RABEP1: variants seen among roughly 807,000 people sequenced by gnomAD.
RABEP1 encodes rab GTPase-binding effector protein 1.
Under a neutral mutation model 123.4 loss-of-function variants are expected in RABEP1, and 51 were observed. The ratio of observed to expected loss-of-function variants is 0.41; its 90% CI spans 0.33 to 0.52. The LOEUF (loss-of-function observed/expected upper bound fraction) is 0.52, where lower values mean the gene tolerates loss of function less well. Ranked by LOEUF, RABEP1 falls within the 20% of genes least tolerant of loss-of-function variation. The pLI is 0.16. For missense variants in RABEP1, 888 were observed against 996.3 expected, an observed-to-expected ratio of 0.89 and a Z score of 1.46; for synonymous variants, 347 against 355.2, an observed-to-expected ratio of 0.98 and a Z score of 0.26.
chr17:5,320,161 TTCAG>T (rs1343154297), intron 2 of RABEP1, among the ~76,000 whole-genome samples: 2 of 151,710 alleles, frequency 1.3e-5, no homozygotes, highest in Non-Finnish European at 2.9e-5. Context: ...CTAATGGAGC[TTCAG>T]TCAGTTTGTC....
intron 1 of RABEP1, among the ~76,000 whole-genome samples, chr17:5,307,617 T>A (rs1164564806): frequency 6.6e-6 from 1 of 152,176 alleles, no homozygotes; most frequent in East Asian, 1.9e-4. Context: ...GCTTTAAGGC[T>A]GGGATGCTGT....
chr17:5,377,419 G>A (rs1911082727), intron 14 of RABEP1, 114 bp downstream of exon 14: 5 of 655,430 alleles, frequency 7.6e-6, no homozygotes, highest in Non-Finnish European at 9.3e-6. Context: ...AAAGAATTTA[G>A]TAAGGACTCA....
chr17:5,344,753 C>A (rs1907921645), intron 5 of RABEP1, among the ~76,000 whole-genome samples: 1 of 107,850 alleles, frequency 9.3e-6, no homozygotes, highest in Non-Finnish European at 1.7e-5. Flanking sequence ...GCCTGGGTGA[C>A]AGAGCAAGAC....
At chr17:5,303,364 C>A (rs1374110987) in intron 1 of RABEP1, among the ~76,000 whole-genome samples, 2 of 152,094 alleles carry the variant, frequency 1.3e-5, no homozygotes, top group Admixed American at 1.3e-4. Flanking sequence ...GCCTCAGTCC[C>A]CCAAGTAGCT....
chr17:5,306,318 G>C (rs1333375140), intron 1 of RABEP1, among the ~76,000 whole-genome samples: 1 of 152,072 alleles, frequency 6.6e-6, no homozygotes, highest in Non-Finnish European at 1.5e-5. Flanking sequence ...TAATTAGTTT[G>C]TTCACGATGC....
chr17:5,357,481 C>T (rs762183775), intron 8 of RABEP1, among the ~76,000 whole-genome samples: 2 of 152,068 alleles, frequency 1.3e-5, no homozygotes, highest in African/African-American at 2.4e-5. Flanking sequence ...AAGCGATTCT[C>T]GTGCCTCAGC....
At chr17:5,314,138 A>G (rs1043399347) in intron 2 of RABEP1, among the ~76,000 whole-genome samples, 2 of 151,408 alleles carry the variant, frequency 1.3e-5, no homozygotes, top group Non-Finnish European at 2.9e-5. Flanking sequence ...CTGTGTTTGC[A>G]CTTGTTTGGA....
At chr17:5,334,909 T>A (rs1201262736) in intron 3 of RABEP1, among the ~76,000 whole-genome samples, 1 of 152,208 alleles carries the variant, frequency 6.6e-6, no homozygotes, top group East Asian at 1.9e-4. Context: ...ATTCTGGGCA[T>A]GAAACATTGG....
At chr17:5,350,424 A>G in intron 6 of RABEP1, 27 bp from the exon 7 acceptor site, 1 of 1,574,222 alleles carries the variant, frequency 6.4e-7, no homozygotes, top group Non-Finnish European at 8.6e-7. Context: ...AGTGTTTTTG[A>G]TTTGTGGTGG....
At position 5,384,593 on chromosome 17, in the gene RABEP1, T is replaced by G. The variant is rs1911786023; in HGVS notation, c.*1370T>G. ...TTGTCTTTGTTATAAATGAGGTCAC[T>G]ATGGACTTACCCTAAAGATCTTCTG... is the stretch of plus-strand genomic sequence containing the variant. On this transcript the variant is annotated 3_prime_UTR_variant, in exon 18 of 18. Transcript: ENST00000537505. 4.6e-6 allele frequency: 1 copy of G among 215,704 alleles called. No homozygotes were observed. The highest frequency in any genetic ancestry group is 5.8e-5 in the Admixed American group (1 of 17,156). 13.4% of individuals were successfully genotyped at this position (215,704 alleles called of 1,614,324 possible).
At chr17:5,362,071 C>G (rs937881458) in intron 9 of RABEP1, 2 of 167,412 alleles carry the variant, frequency 1.2e-5, no homozygotes, top group African/African-American at 4.8e-5. Flanking sequence ...GCGCAATTGC[C>G]GGTCTGCTGT....
In RABEP1 at chr17:5,381,385, T is replaced by C. The variant is rs112097489; in HGVS notation, c.2371-4T>C. On this transcript the variant is annotated splice_region_variant and splice_polypyrimidine_tract_variant and intron_variant, in intron 16 of 17. Coordinates refer to ENST00000537505, the MANE Select transcript of RABEP1 (RefSeq NM_004703.6). ...AATCTTCATTCAAAACTTGTATTTT[T>C]TAGGCTACCGTTGAACAACTAATGT... is the stretch of plus-strand genomic sequence containing the variant. The C allele has an allele frequency of 0.011, 18,302 of 1,605,954 alleles. 106 individuals carry two copies. The highest frequency in any genetic ancestry group is 0.014 in the Non-Finnish European group (16,183 of 1,177,670).
At chr17:5,360,258 T>A (rs944543593) in intron 8 of RABEP1, among the ~76,000 whole-genome samples, 5 of 152,198 alleles carry the variant, frequency 3.3e-5, no homozygotes, top group Non-Finnish European at 7.4e-5. Context: ...GATTACACCT[T>A]GCTGGAAAAT....
chr17:5,299,123 T>C (rs1204607030), intron 1 of RABEP1, among the ~76,000 whole-genome samples: 1 of 152,180 alleles, frequency 6.6e-6, no homozygotes, highest in African/African-American at 2.4e-5. Flanking sequence ...TGTGTGTGTG[T>C]GGAGGGGGTG....
chr17:5,315,925 CAAA>C (rs1419344944), intron 2 of RABEP1, among the ~76,000 whole-genome samples: 1 of 152,000 alleles, frequency 6.6e-6, no homozygotes, highest in African/African-American at 2.4e-5. Flanking sequence ...CATCAAGAAT[CAAA>C]AGAAAATGTG....
At position 5,384,877 on chromosome 17, in the gene RABEP1, A is replaced by AAATT. The variant is rs1911817988; in HGVS notation, c.*1656_*1659dup. On this transcript the variant is annotated 3_prime_UTR_variant, in exon 18 of 18. Transcript: ENST00000537505. ...ATTAATTATAAAATGCAATCAATTT[A>AAATT]AATTACGTAGGTTTAAGACTAGTCC... The AAATT allele has an allele frequency of 4.5e-6, 1 of 221,114 alleles. No homozygotes were observed. Among genetic ancestry groups the AAATT allele is most frequent in the Non-Finnish European group, 9.0e-6 (1 of 110,750 alleles). The allele number at this position is 221,114 out of a possible 1,614,324, so 13.7% of individuals were successfully genotyped here.
intron 5 of RABEP1, among the ~76,000 whole-genome samples, chr17:5,339,530 G>T (rs1030147822): frequency 6.6e-6 from 1 of 152,140 alleles, no homozygotes; most frequent in Non-Finnish European, 1.5e-5. Flanking sequence ...GGGCGCGGTG[G>T]CTCATGCCTA....
chr17:5,296,421 A>G (rs2075084268), intron 1 of RABEP1, among the ~76,000 whole-genome samples: 1 of 151,924 alleles, frequency 6.6e-6, no homozygotes, highest in Admixed American at 6.6e-5. Flanking sequence ...GTGCCACCAC[A>G]CCCGGCTAAT....
intron 1 of RABEP1, among the ~76,000 whole-genome samples, chr17:5,302,064 T>C (rs2075139589): frequency 6.6e-6 from 1 of 152,076 alleles, no homozygotes; most frequent in Non-Finnish European, 1.5e-5. Flanking sequence ...GAACTTTGAC[T>C]AAGTTTAGTT....
Sources: gnomAD v4.1 joint callset for allele counts (sites outside exome capture counted in the v4.1 genomes callset) on GRCh38, gnomAD v4.1.1 for gene constraint, MANE v1.5 for transcripts, NCBI Gene and HGNC (gene_info 2026-07-23, HGNC 2026-07-21) for gene names.